PPM1H: variants seen among roughly 807,000 people sequenced by gnomAD.
PPM1H encodes protein phosphatase 1H.
PPM1H carries 27 observed loss-of-function variants against 54.9 expected under a neutral mutation model. That is an observed-to-expected ratio of 0.49 (90% confidence interval 0.36 to 0.68). The LOEUF (loss-of-function observed/expected upper bound fraction) is 0.68, where lower values mean the gene tolerates loss of function less well. Among genes scored for constraint, PPM1H ranks in the 30% least tolerant of loss-of-function variants. PPM1H has a pLI of 0.00. For synonymous variants in PPM1H, 305 were observed against 270.8 expected (o/e 1.13, Z -1.24); for missense variants, 596 against 667.8 (o/e 0.89, Z 1.19).
intron 3 of PPM1H, among the ~76,000 whole-genome samples, chr12:62,800,998 A>C (rs2076765044): frequency 6.6e-6 from 1 of 152,210 alleles, no homozygotes; most frequent in African/African-American, 2.4e-5. Flanking sequence ...TGCCTGGGTA[A>C]GACTAAGACT....
rs764654322 is a variant in PPM1H at position 62,667,167 on chromosome 12, A to G, written c.1397+11T>C. On this transcript the variant is annotated intron_variant, in intron 9 of 9. Coordinates refer to ENST00000228705, the MANE Select transcript of PPM1H (RefSeq NM_020700.2). Reference sequence around the variant, plus strand: ...TGAGGAACAACCCTACAATTGTAGAAATGCACAAACCTGTGAGGATCATCT... The same window carrying G: ...TGAGGAACAACCCTACAATTGTAGAGATGCACAAACCTGTGAGGATCATCT... 59 of 1,560,652 alleles carry G rather than the reference A, an allele frequency of 3.8e-5. No homozygotes were observed. The highest frequency in any genetic ancestry group is 5.0e-5 in the Non-Finnish European group (57 of 1,139,778).
At chr12:62,811,293 G>A (rs1168394640) in intron 2 of PPM1H, among the ~76,000 whole-genome samples, 2 of 152,224 alleles carry the variant, frequency 1.3e-5, no homozygotes, top group Non-Finnish European at 2.9e-5. Flanking sequence ...ATGATAAAAT[G>A]TATAGCACTG....
At chr12:62,736,027 G>A (rs141558023) in intron 5 of PPM1H, among the ~76,000 whole-genome samples, 42 of 152,294 alleles carry the variant, frequency 2.8e-4, no homozygotes, top group East Asian at 1.5e-3. Context: ...CAAGAAGGGC[G>A]GTCTGCATTC....
chr12:62,854,910 G>A (rs945935736), intron 1 of PPM1H, among the ~76,000 whole-genome samples: 2 of 152,110 alleles, frequency 1.3e-5, no homozygotes, highest in Non-Finnish European at 2.9e-5. Flanking sequence ...TCTTCTAGTG[G>A]TCAAGAGATA....
rs2075783291 is a variant in PPM1H at position 62,646,068 on chromosome 12, CTTAT to C, written c.*2417_*2420del. 1 of 152,222 alleles carries C rather than the reference CTTAT, an allele frequency of 6.6e-6. No homozygotes were observed. Among genetic ancestry groups the C allele is most frequent in the Admixed American group, 6.5e-5 (1 of 15,288 alleles). The allele number at this position is 152,222 out of a possible 1,614,324, so 9.4% of individuals were successfully genotyped here. ...TGTTTCCTACTTTTGATTTCTTCAT[CTTAT>C]TTATAGTCTTCCTCCCATCCCCTGA... On this transcript the variant is annotated 3_prime_UTR_variant, in exon 10 of 10. Coordinates refer to ENST00000228705, the MANE Select transcript of PPM1H (RefSeq NM_020700.2).
At chr12:62,900,324 T>G (rs1234896578) in intron 1 of PPM1H, among the ~76,000 whole-genome samples, 2 of 149,432 alleles carry the variant, frequency 1.3e-5, no homozygotes, top group Non-Finnish European at 3.0e-5. Flanking sequence ...TTCATCCATG[T>G]CCCTACAAAG....
Position 62,910,204 on chromosome 12 carries a change from G to C in PPM1H, c.245+24288C>G, listed in dbSNP as rs1871413258. Among the ~76,000 whole-genome samples the C allele has an allele frequency of 2.6e-5, 4 of 152,144 alleles. No individual in the cohort carries two copies. The South Asian group carries it at 8.3e-4, about 32-fold the overall frequency. On this transcript the variant is annotated intron_variant, in intron 1 of 9. Coordinates refer to ENST00000228705, the MANE Select transcript of PPM1H (RefSeq NM_020700.2). ...GTGTGGATGGAGCACAGGAGAGAGG[G>C]GAGGATGGAAGGGAATCAGAAAGAG...
chr12:62,834,659 C>T (rs1337654740), intron 1 of PPM1H, among the ~76,000 whole-genome samples: 4 of 152,208 alleles, frequency 2.6e-5, no homozygotes, highest in Non-Finnish European at 5.9e-5. Context: ...GAACAGGTGG[C>T]TCAGATCTGC....
At chr12:62,867,348 C>CAATG (rs2120990643) in intron 1 of PPM1H, among the ~76,000 whole-genome samples, 1 of 152,178 alleles carries the variant, frequency 6.6e-6, no homozygotes, top group South Asian at 2.1e-4. Flanking sequence ...TACACCAGAG[C>CAATG]AATGGTCCTT....
intron 3 of PPM1H, among the ~76,000 whole-genome samples, chr12:62,791,845 AC>A (rs1478003900): frequency 6.6e-6 from 1 of 152,038 alleles, no homozygotes; most frequent in African/African-American, 2.4e-5. Context: ...AATTGCTTGA[AC>A]CCGGGAGCCG....
intron 5 of PPM1H, among the ~76,000 whole-genome samples, chr12:62,729,510 C>T (rs986214506): frequency 1.3e-5 from 2 of 152,202 alleles, no homozygotes; most frequent in South Asian, 2.1e-4. Flanking sequence ...TGGTAAAGTG[C>T]TCTTCTCATA....
At chr12:62,912,335 A>G (rs1871485563) in intron 1 of PPM1H, among the ~76,000 whole-genome samples, 1 of 152,206 alleles carries the variant, frequency 6.6e-6, no homozygotes. Context: ...GGGCTACATT[A>G]TGGTGGCAGT....
intron 3 of PPM1H, among the ~76,000 whole-genome samples, chr12:62,796,189 T>G (rs139436252): frequency 7.2e-5 from 11 of 152,332 alleles, no homozygotes; most frequent in Admixed American, 1.3e-4. Flanking sequence ...TACAGAAGAC[T>G]TCTGTGACCA....
rs189824813 is a variant in PPM1H, at chr12:62,644,857, C to T, written c.*3632G>A. On this transcript the variant is annotated 3_prime_UTR_variant, in exon 10 of 10. Coordinates refer to ENST00000228705, the MANE Select transcript of PPM1H (RefSeq NM_020700.2). ...ATTGGATCACTTTTAGGATCAGCTT[C>T]GTTGTTCTTTGCGTAGACAATGACT... 13 of 152,356 alleles carry T rather than the reference C, an allele frequency of 8.5e-5. No individual in the cohort carries two copies. The highest frequency in any genetic ancestry group is 2.0e-4 in the Admixed American group (3 of 15,298). 9.4% of individuals were successfully genotyped at this position (152,356 alleles called of 1,614,324 possible).
At chr12:62,660,965 A>G (rs1318793456) in intron 9 of PPM1H, among the ~76,000 whole-genome samples, 1 of 152,216 alleles carries the variant, frequency 6.6e-6, no homozygotes, top group East Asian at 1.9e-4. Context: ...AACAAATTAC[A>G]TAAATTCCAT....
chr12:62,851,210 G>A (rs1869174411), intron 1 of PPM1H, among the ~76,000 whole-genome samples: 1 of 152,144 alleles, frequency 6.6e-6, no homozygotes, highest in South Asian at 2.1e-4. Context: ...AGTGTAAGGT[G>A]AGGCAGAGGC....
At chr12:62,744,574 C>T (rs901789493) in intron 4 of PPM1H, among the ~76,000 whole-genome samples, 1 of 152,050 alleles carries the variant, frequency 6.6e-6, no homozygotes, top group Non-Finnish European at 1.5e-5. Flanking sequence ...TGGTACAATC[C>T]CATTTTTGTA....
intron 1 of PPM1H, among the ~76,000 whole-genome samples, chr12:62,869,055 A>G (rs1488282204): frequency 5.3e-5 from 8 of 152,154 alleles, no homozygotes; most frequent in Non-Finnish European, 1.0e-4. Context: ...AGATAACAAC[A>G]TGACTTGTGC....
At chr12:62,667,126 G>T in intron 9 of PPM1H, 52 bp downstream of exon 9, 1 of 1,487,560 alleles carries the variant, frequency 6.7e-7, no homozygotes. Context: ...TTTCAGGCAT[G>T]TCATGGAAGA....
Sources: allele counts gnomAD v4.1 joint callset (sites outside exome capture counted in the v4.1 genomes callset), GRCh38; gene constraint gnomAD v4.1.1; transcripts MANE v1.5; gene names NCBI Gene and HGNC (gene_info 2026-07-23, HGNC 2026-07-21).